TFAP2C: variants seen among roughly 807,000 people sequenced by gnomAD.
The protein encoded by TFAP2C is transcription factor AP-2 gamma.
Under a neutral mutation model 42.9 loss-of-function variants are expected in TFAP2C, and 9 were observed. That is an observed-to-expected ratio of 0.21 (90% CI 0.13 to 0.37). The LOEUF is 0.37. Among genes scored for constraint, TFAP2C ranks in the 10% least tolerant of loss-of-function variants. The probability of loss-of-function intolerance (pLI) is 1.00; values close to 1 mark genes in which losing one functional copy is unlikely to be tolerated. For synonymous variants in TFAP2C, 264 were observed against 256.0 expected, an observed-to-expected ratio of 1.03 and a Z score of -0.30; for missense variants, 462 against 591.7, an observed-to-expected ratio of 0.78 and a Z score of 2.27.
At position 56,630,675 on chromosome 20, in the gene TFAP2C, G is replaced by A. The variant is rs937201798; in HGVS notation, c.49-530G>A. On this transcript the variant is annotated intron_variant, in intron 1 of 6. Transcript: ENST00000201031. This position sits in a 1 kb window ranked among gnomAD's most constrained non-coding sequence, Gnocchi z 5.1. Reference sequence around the variant, plus strand: ...CTTTCCGAGCGCCGCCCGCTCGGAGGTCTTTGTCCCGAGGGCGTGGAAGGG... The same window carrying A: ...CTTTCCGAGCGCCGCCCGCTCGGAGATCTTTGTCCCGAGGGCGTGGAAGGG... 54 of 985,004 alleles carry A rather than the reference G, an allele frequency of 5.5e-5. No individual in the cohort carries two copies. Among genetic ancestry groups the A allele is most frequent in the Middle Eastern group, 1.0e-3 (2 of 1,914 alleles). 61.0% of individuals were successfully genotyped at this position (985,004 alleles called of 1,614,324 possible).
Position 56,633,222 on chromosome 20 carries a change from C to T in TFAP2C, c.587-131C>T, listed in dbSNP as rs1183274642. The T allele has an allele frequency of 1.5e-5, 10 of 653,444 alleles. No individual in the cohort carries two copies. In the Admixed American group the frequency reaches 2.0e-4, roughly 13 times the overall value. The allele number at this position is 653,444 out of a possible 1,614,324, so 40.5% of individuals were successfully genotyped here. Reference sequence around the variant, plus strand: ...TTTTTTTTTTTTAAATAAAGTCAGCCTGCAGTTGATCGTGGGGTGTGCAAT... The same window carrying T: ...TTTTTTTTTTTTAAATAAAGTCAGCTTGCAGTTGATCGTGGGGTGTGCAAT... On this transcript the variant is annotated intron_variant, in intron 3 of 6. Coordinates refer to ENST00000201031, the MANE Select transcript of TFAP2C (RefSeq NM_003222.4).
rs1231901019 is a variant in TFAP2C, at chr20:56,630,350, G to C, written c.48+758G>C. On this transcript the variant is annotated intron_variant, in intron 1 of 6. Transcript: ENST00000201031. This position sits in a 1 kb window ranked among gnomAD's most constrained non-coding sequence, Gnocchi z 5.1. Reference sequence around the variant, plus strand: ...CAGGCCCGGGCGCTTCCGCCAGGAGGCGACAGCGCCATGTTCCTCCAGGTT... The same window carrying C: ...CAGGCCCGGGCGCTTCCGCCAGGAGCCGACAGCGCCATGTTCCTCCAGGTT... The C allele has an allele frequency of 2.2e-6, 1 of 454,220 alleles. No homozygotes were observed. Among genetic ancestry groups the C allele is most frequent in the Non-Finnish European group, 4.5e-6 (1 of 220,500 alleles). The allele number at this position is 454,220 out of a possible 1,614,324, so 28.1% of individuals were successfully genotyped here.
Position 56,631,150 on chromosome 20 carries a change from C to A in TFAP2C, c.49-55C>A, listed in dbSNP as rs1274674740. 2.0e-6 allele frequency: 3 copies of A among 1,473,624 alleles called. No individual in the cohort carries two copies. The highest frequency in any genetic ancestry group is 1.5e-5 in the African/African-American group (1 of 68,282). 91.3% of individuals were successfully genotyped at this position (1,473,624 alleles called of 1,614,324 possible). A position where few individuals can be genotyped will look rare whatever the true frequency, so the allele number is the denominator to read the frequency against. ...CGTAGCCCGGCGATGCCGGCCAGTTCGCAGTAGCGGGGTTTCGCACTAACG... is the reference window on the plus strand; with the variant it reads ...CGTAGCCCGGCGATGCCGGCCAGTTAGCAGTAGCGGGGTTTCGCACTAACG... On this transcript the variant is annotated intron_variant, in intron 1 of 6. Transcript: ENST00000201031. This position sits in a 1 kb window ranked among gnomAD's most constrained non-coding sequence, Gnocchi z 6.1.
chr20:56,630,617 A>G lies in TFAP2C; in HGVS notation c.49-588A>G, dbSNP rs1027919649. On this transcript the variant is annotated intron_variant, in intron 1 of 6. Coordinates refer to ENST00000201031, the MANE Select transcript of TFAP2C (RefSeq NM_003222.4). This position sits in a 1 kb window ranked among gnomAD's most constrained non-coding sequence, Gnocchi z 5.1. ...CGCCCTGTGCGCGCGCTCCCTCTTC[A>G]CTTCCCAGGGCGGCGCAGGGTGGCG... 2.2e-5 allele frequency: 20 copies of G among 918,172 alleles called. No homozygotes were observed. The South Asian group carries it at 8.5e-4, about 39-fold the overall frequency. 56.9% of individuals were successfully genotyped at this position (918,172 alleles called of 1,614,324 possible). A position where few individuals can be genotyped will look rare whatever the true frequency, so the allele number is the denominator to read the frequency against.
intron 4 of TFAP2C, 83 bp from the exon 5 acceptor site, chr20:56,634,067 T>C (rs1987543296): frequency 2.2e-6 from 2 of 890,404 alleles, no homozygotes; most frequent in East Asian, 2.4e-5. Flanking sequence ...AGCAGCACTT[T>C]AGGAGTTTAG....
chr20:56,634,789 A>G (rs1215543445), intron 5 of TFAP2C, among the ~76,000 whole-genome samples: 1 of 152,222 alleles, frequency 6.6e-6, no homozygotes, highest in Non-Finnish European at 1.5e-5. Context: ...GAAAAAAACT[A>G]ATCGAACCCC....
At chr20:56,633,223 T>G in intron 3 of TFAP2C, 130 bp from the exon 4 acceptor site, 1 of 659,268 alleles carries the variant, frequency 1.5e-6, no homozygotes, top group Non-Finnish European at 2.6e-6. Flanking sequence ...AAAGTCAGCC[T>G]GCAGTTGATC....
chr20:56,636,806 G>A (rs772976110), intron 6 of TFAP2C, 52 bp downstream of exon 6: 33 of 1,556,340 alleles, frequency 2.1e-5, no homozygotes, highest in Non-Finnish European at 2.8e-5. Flanking sequence ...AGACCTTGAG[G>A]TTGAGAAGAT....
chr20:56,631,446 G>T lies in TFAP2C; in HGVS notation c.290G>T (p.Gly97Val), dbSNP rs374078533. 1.3e-6 allele frequency: 2 copies of T among 1,572,926 alleles called. No homozygotes were observed. Among genetic ancestry groups the T allele is most frequent in the South Asian group, 1.2e-5 (1 of 86,010 alleles). ...INPLHQPAPT[G>V]SQQQAWPGRQ... ...CCCCTGCACCAGCCGGCGCCCACAG[G>T]CAGCCAGCAGCAGGCCTGGCCCGGC... The change falls in exon 2 of 7, where the codon GGC becomes GTC. Residue 97 changes from glycine to valine, a missense_variant. Gly to Val is a moderately radical substitution (Grantham distance 109, BLOSUM62 -3). Coordinates refer to ENST00000201031, the MANE Select transcript of TFAP2C (RefSeq NM_003222.4). The surrounding 1 kb of genome is among the most constrained non-coding windows in gnomAD (Gnocchi z 6.1).
In TFAP2C at chr20:56,631,022, C is replaced by T; in HGVS notation, c.49-183C>T. On this transcript the variant is annotated intron_variant, in intron 1 of 6. Coordinates refer to ENST00000201031, the MANE Select transcript of TFAP2C (RefSeq NM_003222.4). This position sits in a 1 kb window ranked among gnomAD's most constrained non-coding sequence, Gnocchi z 6.1. ...CCAGACTCTCCTCCCTCCCCGCACT[C>T]TTTGCTTACAACGAAATCCTCGGGG... 1.0e-6 allele frequency: 1 copy of T among 985,396 alleles called. No individual in the cohort carries two copies. The allele number at this position is 985,396 out of a possible 1,614,324, so 61.0% of individuals were successfully genotyped here. A position where few individuals can be genotyped will look rare whatever the true frequency, so the allele number is the denominator to read the frequency against.
At chr20:56,633,666 C>A in intron 4 of TFAP2C, 97 bp downstream of exon 4, 2 of 856,736 alleles carry the variant, frequency 2.3e-6, no homozygotes, top group Non-Finnish European at 3.8e-6. Flanking sequence ...TGACTTTATG[C>A]CTAACACTGA....
In TFAP2C at chr20:56,638,268, T is replaced by A. The variant is rs924188648; in HGVS notation, c.*255T>A. ...ACTGGCTCTTTATTCATTAAGCTTT[T>A]TTTTTTTGAACCCCATTCTTTCCTT... On this transcript the variant is annotated 3_prime_UTR_variant, in exon 7 of 7. Coordinates refer to ENST00000201031, the MANE Select transcript of TFAP2C (RefSeq NM_003222.4). 1 of 409,438 alleles carries A rather than the reference T, an allele frequency of 2.4e-6. No homozygotes were observed. Among genetic ancestry groups the A allele is most frequent in the Non-Finnish European group, 4.3e-6 (1 of 230,552 alleles). The allele number at this position is 409,438 out of a possible 1,614,324, so 25.4% of individuals were successfully genotyped here. A position where few individuals can be genotyped will look rare whatever the true frequency, so the allele number is the denominator to read the frequency against.
intron 3 of TFAP2C, among the ~76,000 whole-genome samples, chr20:56,632,817 GAA>G (rs35789407): frequency 5.7e-5 from 8 of 141,420 alleles, no homozygotes; most frequent in African/African-American, 1.3e-4. Flanking sequence ...CAGCTGCTAG[GAA>G]AAAAAAAAAA....
intron 3 of TFAP2C, among the ~76,000 whole-genome samples, chr20:56,632,978 C>G (rs1987520351): frequency 6.6e-6 from 1 of 152,164 alleles, no homozygotes; most frequent in African/African-American, 2.4e-5. Context: ...AATCCCAGCA[C>G]TTTGGGAGGC....
In TFAP2C at chr20:56,636,641, C is replaced by G; in HGVS notation, c.954C>G (p.Ala318=). Residue 318 remains alanine (A), a synonymous_variant, in exon 6 of 7, where the codon GCC becomes GCG. Transcript: ENST00000201031. Reference sequence around the variant, plus strand: ...CTGTTCATTTGGCTAGGGACTTTGCCTATGTCTGTGAAGCCGAATTTCCTA... The same window carrying G: ...CTGTTCATTTGGCTAGGGACTTTGCGTATGTCTGTGAAGCCGAATTTCCTA... ...GEAVHLARDF[A]YVCEAEFPSK... 5 of 1,614,016 alleles carry G rather than the reference C, an allele frequency of 3.1e-6. No individual in the cohort carries two copies. The South Asian group carries it at 4.4e-5, about 14-fold the overall frequency.
rs756084885 is a variant in TFAP2C at position 56,629,598 on chromosome 20, C to T, written c.48+6C>T. The T allele has an allele frequency of 2.8e-6, 4 of 1,413,608 alleles. No homozygotes were observed. The highest frequency in any genetic ancestry group is 1.5e-5 in the African/African-American group (1 of 67,376). The allele number at this position is 1,413,608 out of a possible 1,614,324, so 87.6% of individuals were successfully genotyped here. On this transcript the variant is annotated splice_donor_region_variant and intron_variant, in intron 1 of 6. Coordinates refer to ENST00000201031, the MANE Select transcript of TFAP2C (RefSeq NM_003222.4). This position sits in a 1 kb window ranked among gnomAD's most constrained non-coding sequence, Gnocchi z 5.9. ...AGTACGAAGAGGACTGCGAGGTGAG[C>T]TGGGGCTCCGGGGTGCAGCCCCGCC...
intron 3 of TFAP2C, among the ~76,000 whole-genome samples, chr20:56,632,522 A>C (rs1987510655): frequency 6.6e-6 from 1 of 152,186 alleles, no homozygotes; most frequent in Admixed American, 6.5e-5. Flanking sequence ...AGTAGGCCTA[A>C]ATTGAAGGTA....
rs1204802401 is a variant in TFAP2C at position 56,629,589 on chromosome 20, C to A, written c.45C>A (p.Cys15Ter). 7.0e-7 allele frequency: 1 copy of A among 1,419,668 alleles called. No homozygotes were observed. Among genetic ancestry groups the A allele is most frequent in the Non-Finnish European group, 9.2e-7 (1 of 1,086,294 alleles). 87.9% of individuals were successfully genotyped at this position (1,419,668 alleles called of 1,614,324 possible). ...ITDNVKYEED[C>*]EDRHDGSSNG... ...ATAATGTCAAGTACGAAGAGGACTGCGAGGTGAGCTGGGGCTCCGGGGTGC... is the reference window on the plus strand; with the variant it reads ...ATAATGTCAAGTACGAAGAGGACTGAGAGGTGAGCTGGGGCTCCGGGGTGC... Residue 15 changes from cysteine to a stop codon, truncating the protein, a stop_gained, in exon 1 of 7, where the codon TGC (cysteine) becomes TGA (stop). Transcript: ENST00000201031. LOFTEE classifies it high-confidence loss of function. This position sits in a 1 kb window ranked among gnomAD's most constrained non-coding sequence, Gnocchi z 5.9.
intron 3 of TFAP2C, 26 bp from the exon 4 acceptor site, chr20:56,633,327 C>T (rs1231489080): frequency 5.7e-6 from 9 of 1,581,424 alleles, no homozygotes; most frequent in African/African-American, 1.4e-5. Context: ...GCTCTTGTGA[C>T]TGCCAGCTCT....
Sources: gnomAD v4.1 joint callset for allele counts (sites outside exome capture counted in the v4.1 genomes callset) on GRCh38, gnomAD v4.1.1 for gene constraint, Gnocchi (gnomAD v3.1) non-coding constraint, MANE v1.5 for transcripts, NCBI Gene and HGNC (gene_info 2026-07-23, HGNC 2026-07-21) for gene names.